Variants in CHST15 observed in about 807,000 individuals in gnomAD.
CHST15 encodes carbohydrate sulfotransferase 15.
CHST15 carries 30 observed loss-of-function variants against 53.6 expected under a neutral mutation model. The observed-to-expected ratio is 0.56, with a 90% CI of 0.42 to 0.76. The LOEUF (loss-of-function observed/expected upper bound fraction) is 0.76, where lower values mean the gene tolerates loss of function less well. Among genes scored for constraint, CHST15 ranks in the 30% least tolerant of loss-of-function variants. The pLI is 0.00. For synonymous variants in CHST15, 296 were observed against 289.8 expected (o/e 1.02, Z -0.22); for missense variants, 627 against 740.5 (o/e 0.85, Z 1.78).
In CHST15 at chr10:124,008,434, A is replaced by G; in HGVS notation, c.*1715T>C. ...CCTAAAGCATCCTTGTGCTCAGGCC[A>G]GATTTCCCTGCTGGCGGCTGCTCCC... On this transcript the variant is annotated 3_prime_UTR_variant, in exon 8 of 8. Transcript: ENST00000435907. 2 of 993,858 alleles carry G rather than the reference A, an allele frequency of 2.0e-6. No individual in the cohort carries two copies. Among genetic ancestry groups the G allele is most frequent in the Non-Finnish European group, 2.4e-6 (2 of 834,936 alleles). 61.6% of individuals were successfully genotyped at this position (993,858 alleles called of 1,614,324 possible).
At chr10:124,059,660 C>T (rs539738141) in intron 1 of CHST15, among the ~76,000 whole-genome samples, 2 of 152,256 alleles carry the variant, frequency 1.3e-5, no homozygotes, top group South Asian at 4.1e-4. Flanking sequence ...AAACCAACTG[C>T]AAATCATGAT....
Position 124,046,066 on chromosome 10 carries a change from A to C in CHST15, c.147T>G (p.Ser49Arg). The change falls in exon 2 of 8, where the codon AGT becomes AGG. Residue 49 changes from serine to arginine, a missense_variant. Ser to Arg is a moderately radical substitution (Grantham distance 110). This residue lies in a region of CHST15 where 187 missense variants were observed against 251.8 expected (regional missense o/e 0.74). Coordinates refer to ENST00000435907, the MANE Select transcript of CHST15 (RefSeq NM_001270764.2). ...GENKILFRVD[S>R]KQMNLLAVLE... ...GAACAGCAAGCAAGTTCATCTGCTT[A>C]CTGTCCACACGAAACAGAATTTTGT... The C allele has an allele frequency of 6.2e-7, 1 of 1,614,238 alleles. No homozygotes were observed. The highest frequency in any genetic ancestry group is 8.5e-7 in the Non-Finnish European group (1 of 1,180,048).
intron 7 of CHST15, among the ~76,000 whole-genome samples, chr10:124,011,212 G>A (rs769764595): frequency 6.6e-5 from 10 of 151,608 alleles, no homozygotes; most frequent in East Asian, 1.9e-4. Context: ...CCTCTTTACC[G>A]GGGGCTCTTG....
chr10:124,045,112 C>CAAAAAAAAAAAAAAAAAAAAAAAA (rs758243657), intron 2 of CHST15, among the ~76,000 whole-genome samples, 193 bp from the exon 3 acceptor site: 40 of 33,768 alleles, frequency 1.2e-3, no homozygotes, highest in Middle Eastern at 0.026. Flanking sequence ...CGCCGCCCCA[C>CAAAAAAAAAAAAAAAAAAAAAAAA]AAAAAAAAAA....
chr10:124,015,163 T>C (rs537885345), intron 6 of CHST15, among the ~76,000 whole-genome samples: 1 of 152,272 alleles, frequency 6.6e-6, no homozygotes, highest in South Asian at 2.1e-4. Context: ...GCAGTATCAC[T>C]ACTGCAACCA....
chr10:124,092,502 CA>C (rs1383552711), intron 1 of CHST15: 1 of 152,168 alleles, frequency 6.6e-6, no homozygotes, highest in Non-Finnish European at 1.5e-5. Context: ...GGGCGGGGAG[CA>C]AAAGTTCACA....
chr10:124,050,533 G>C (rs1381045855), intron 1 of CHST15, among the ~76,000 whole-genome samples: 1 of 152,186 alleles, frequency 6.6e-6, no homozygotes, highest in Non-Finnish European at 1.5e-5. Flanking sequence ...CCACCCACTG[G>C]ATGCCATAGC....
intron 1 of CHST15, among the ~76,000 whole-genome samples, chr10:124,064,960 T>A (rs1329803192): frequency 6.6e-6 from 1 of 151,934 alleles, no homozygotes; most frequent in East Asian, 1.9e-4. Flanking sequence ...GGCAAAAGAG[T>A]CTCTTCTTTT....
At chr10:124,043,958 GGGAGCAGCACAGAGCA>G (rs1216825784) in intron 3 of CHST15, among the ~76,000 whole-genome samples, 14 of 143,634 alleles carry the variant, frequency 9.7e-5, no homozygotes, top group African/African-American at 4.0e-4. Context: ...GCACAGAGCA[GGGAGCAGCACAGAGCA>G]GGGAGCAGCA....
chr10:124,055,461 T>G (rs1160142241), intron 1 of CHST15, among the ~76,000 whole-genome samples: 3 of 152,178 alleles, frequency 2.0e-5, no homozygotes, highest in Non-Finnish European at 4.4e-5. Flanking sequence ...CAGGGTTACT[T>G]GCTTTCAGTG....
chr10:124,087,639 C>A (rs1391961391), intron 1 of CHST15, among the ~76,000 whole-genome samples: 1 of 152,192 alleles, frequency 6.6e-6, no homozygotes, highest in Non-Finnish European at 1.5e-5. Context: ...ATCTAAGAGG[C>A]CTGGGCCACG....
chr10:124,062,011 TAA>T (rs57594474), intron 1 of CHST15, among the ~76,000 whole-genome samples: 3,656 of 142,198 alleles, frequency 0.026, 59 homozygotes, highest in African/African-American at 0.044. Context: ...TATAAATCAT[TAA>T]AAAAAAAAAA....
rs537337022 is a variant in CHST15 at position 124,081,990 on chromosome 10, G to A, written c.-513+11479C>T. 1.6e-3 allele frequency among the ~76,000 whole-genome samples: 248 copies of A among 152,276 alleles called. 9 individuals are homozygous for A. The South Asian group carries it at 0.024, about 15-fold the overall frequency. ...ATAAGCAGCCGGGCCGCCCATCACC[G>A]CAGGGGAGAAAGAACTAGAAAGATG... On this transcript the variant is annotated intron_variant, in intron 1 of 7. Coordinates refer to ENST00000435907, the MANE Select transcript of CHST15 (RefSeq NM_001270764.2).
chr10:124,091,273 T>C (rs1949592787), intron 1 of CHST15, among the ~76,000 whole-genome samples: 1 of 152,226 alleles, frequency 6.6e-6, no homozygotes, highest in Non-Finnish European at 1.5e-5. Context: ...AACATTCAGT[T>C]TGTAAAATTA....
At position 124,074,939 on chromosome 10, in the gene CHST15, T is replaced by C. The variant is rs939651080; in HGVS notation, c.-513+18530A>G. Among the ~76,000 whole-genome samples the C allele has an allele frequency of 1.3e-5, 2 of 152,196 alleles. No homozygotes were observed. Among genetic ancestry groups the C allele is most frequent in the Admixed American group, 6.5e-5 (1 of 15,276 alleles). On this transcript the variant is annotated intron_variant, in intron 1 of 7. Transcript: ENST00000435907. This position sits in a 1 kb window ranked among gnomAD's most constrained non-coding sequence, Gnocchi z 4.4. ...CTCCCAGCCCCCGCGGAGTTAATGA[T>C]GTTTTGCAGGGAGGACTGTTTCAGC...
intron 6 of CHST15, among the ~76,000 whole-genome samples, chr10:124,013,156 G>C (rs1431009225): frequency 6.6e-6 from 1 of 152,202 alleles, no homozygotes; most frequent in Non-Finnish European, 1.5e-5. Context: ...TCCTGGGGGT[G>C]ATGTCTGGGC....
chr10:124,038,549 TG>T lies in CHST15; in HGVS notation c.1155del (p.Arg386AspfsTer2). Reference protein sequence around the residue: ...QDFIHAFQPNARLIVMLRDPV... With the variant: ...QDFIHAFQPNXRLIVMLRDPV... ...GGGTCCCTGAGCATGACAATCAGTC[TG>T]GCATTTGGCTGAAAGGCGTGGATGA... On this transcript the variant is annotated frameshift_variant, in exon 5 of 8. Transcript: ENST00000435907. LOFTEE classifies it high-confidence loss of function. 6.2e-7 allele frequency: 1 copy of T among 1,614,244 alleles called. No homozygotes were observed. Among genetic ancestry groups the T allele is most frequent in the Non-Finnish European group, 8.5e-7 (1 of 1,180,044 alleles).
rs540846890 is a variant in CHST15 at position 124,066,588 on chromosome 10, G to T, written c.-512-19864C>A. Among the ~76,000 whole-genome samples the T allele has an allele frequency of 3.3e-5, 5 of 152,308 alleles. No homozygotes were observed. In the South Asian group the frequency reaches 1.0e-3, roughly 32 times the overall value. On this transcript the variant is annotated intron_variant, in intron 1 of 7. Coordinates refer to ENST00000435907, the MANE Select transcript of CHST15 (RefSeq NM_001270764.2). ...TCGATGACATCGCTGGAAAGTCTTT[G>T]GTTGACTTAGTTTTTCTGAGGTTTT...
intron 7 of CHST15, chr10:124,010,572 T>C (rs1053211562): frequency 2.0e-6 from 2 of 985,232 alleles, no homozygotes; most frequent in African/African-American, 3.5e-5. Flanking sequence ...ATGCCCACCC[T>C]CGGGGGAGCC....
Sources: allele counts gnomAD v4.1 joint callset (sites outside exome capture counted in the v4.1 genomes callset), GRCh38; gene constraint gnomAD v4.1.1; regional missense constraint gnomAD v4.1.1; non-coding constraint Gnocchi (gnomAD v3.1); transcripts MANE v1.5; gene names NCBI Gene and HGNC (gene_info 2026-07-23, HGNC 2026-07-21).